The following ZC3H12B variants were observed in gnomAD, a reference collection of about 807,000 sequenced individuals.
The protein encoded by ZC3H12B is probable ribonuclease ZC3H12B.
A neutral mutation model predicts 43.9 loss-of-function variants in ZC3H12B; 7 were observed. That is an observed-to-expected ratio of 0.16 (90% CI 0.09 to 0.30). The LOEUF is 0.30. Among genes scored for constraint, ZC3H12B ranks in the 10% least tolerant of loss-of-function variants. The probability of loss-of-function intolerance (pLI) is 1.00; values close to 1 mark genes in which losing one functional copy is unlikely to be tolerated. For synonymous variants in ZC3H12B, 222 were observed against 241.7 expected, an observed-to-expected ratio of 0.92 and a Z score of 0.76; for missense variants, 475 against 670.2, an observed-to-expected ratio of 0.71 and a Z score of 3.22.
the ZC3H12B span, among the ~76,000 whole-genome samples, chrX:65,197,868 G>A: frequency 1.8e-5 from 2 of 111,970 alleles, no homozygotes; most frequent in Non-Finnish European, 3.8e-5. Flanking sequence ...CATAAATATG[G>A]CTAGTGACTC....
chrX:65,443,186 T>C (rs918019757), intron 3 of ZC3H12B, among the ~76,000 whole-genome samples: 6 of 111,461 alleles, frequency 5.4e-5, no homozygotes, highest in African/African-American at 6.5e-5. Flanking sequence ...CCCATATCTG[T>C]CCCATTGTTA....
chrX:65,385,986 G>A (rs1348324248), intron 2 of ZC3H12B, among the ~76,000 whole-genome samples: 1 of 112,106 alleles, frequency 8.9e-6, no homozygotes, highest in African/African-American at 3.2e-5. Context: ...TGCATCCCAG[G>A]GATGAAGCCC....
intron 3 of ZC3H12B, among the ~76,000 whole-genome samples, chrX:65,422,591 G>T (rs2067031757): frequency 1.8e-5 from 2 of 110,211 alleles, no homozygotes; most frequent in African/African-American, 6.6e-5. Context: ...GAACGTGCAG[G>T]TTTGTTACAT....
chrX:65,181,882 C>T, the ZC3H12B span, among the ~76,000 whole-genome samples: 4 of 111,783 alleles, frequency 3.6e-5, no homozygotes, highest in South Asian at 1.5e-3. Context: ...TACCATATGA[C>T]CCAGCAATCT....
chrX:65,158,547 T>G, the ZC3H12B span, among the ~76,000 whole-genome samples: 1 of 112,283 alleles, frequency 8.9e-6, no homozygotes, highest in Non-Finnish European at 1.9e-5. Flanking sequence ...TTTTCATGTG[T>G]TTATTGGCTG....
chrX:65,281,644 C>T, the ZC3H12B span, among the ~76,000 whole-genome samples: 1 of 112,170 alleles, frequency 8.9e-6, no homozygotes, highest in Non-Finnish European at 1.9e-5. Context: ...AACTAGACTC[C>T]CACCTCTTAC....
chrX:65,381,880 T>C (rs1169770172), intron 2 of ZC3H12B, among the ~76,000 whole-genome samples: 3 of 111,541 alleles, frequency 2.7e-5, no homozygotes, highest in Admixed American at 9.5e-5. Flanking sequence ...CCTCGACACA[T>C]ACACTCTCCC....
rs757284494 is a variant in ZC3H12B, at chrX:65,450,161, C to T, written n.408-38485C>T. 1.5e-4 allele frequency among the ~76,000 whole-genome samples: 16 copies of T among 105,606 alleles called. No individual in the cohort carries two copies. In the South Asian group the frequency reaches 3.3e-3, roughly 22 times the overall value. The allele number at this position is 105,606 out of a possible 115,157, so 91.7% of individuals were successfully genotyped here. A position where few individuals can be genotyped will look rare whatever the true frequency, so the allele number is the denominator to read the frequency against. ...CTCTACTAAAAATACAAAAATTAGC[C>T]GGGCGTGGTTGCAGACACCTGTAAT... is the stretch of plus-strand genomic sequence containing the variant. On this transcript the variant is annotated intron_variant and non_coding_transcript_variant, in intron 3 of 5. Coordinates refer to the ZC3H12B transcript ENST00000617377.
At chrX:65,493,453 A>G (rs1268055805) in intron 1 of ZC3H12B, among the ~76,000 whole-genome samples, 3 of 112,145 alleles carry the variant, frequency 2.7e-5, no homozygotes, top group Admixed American at 1.9e-4. Flanking sequence ...TTGCAGTAGT[A>G]GTGCACCTGT....
the ZC3H12B span, among the ~76,000 whole-genome samples, chrX:65,152,232 G>A: frequency 6.3e-5 from 7 of 111,290 alleles, no homozygotes; most frequent in South Asian, 1.1e-3. Context: ...TTCTGGCCAG[G>A]GCAATTAGGC....
chrX:65,127,514 T>C, the ZC3H12B span, among the ~76,000 whole-genome samples: 1 of 111,015 alleles, frequency 9.0e-6, no homozygotes, highest in Non-Finnish European at 1.9e-5. Flanking sequence ...ATAGGGAGGA[T>C]GCAAACTTGC....
chrX:65,110,126 G>A, the ZC3H12B span, among the ~76,000 whole-genome samples: 1 of 110,379 alleles, frequency 9.1e-6, no homozygotes, highest in Admixed American at 9.7e-5. Flanking sequence ...GTATTTTCAT[G>A]CCTTTTACTT....
chrX:65,473,164 C>T (rs1253285626), intron 3 of ZC3H12B, among the ~76,000 whole-genome samples: 1 of 106,604 alleles, frequency 9.4e-6, no homozygotes, highest in Non-Finnish European at 1.9e-5. Context: ...CAGGTACATG[C>T]CACCACACCC....
chrX:65,193,866 G>T, the ZC3H12B span, among the ~76,000 whole-genome samples: 2 of 111,400 alleles, frequency 1.8e-5, no homozygotes, highest in African/African-American at 6.5e-5. Flanking sequence ...AATTTATAAA[G>T]AAAAGAAGTT....
the ZC3H12B span, among the ~76,000 whole-genome samples, chrX:65,214,798 C>A: frequency 1.8e-5 from 2 of 111,651 alleles, no homozygotes; most frequent in Non-Finnish European, 3.8e-5. Context: ...TATCAAGGTG[C>A]ATCAGAGGAA....
At chrX:65,171,711 CTTTG>C in the ZC3H12B span, among the ~76,000 whole-genome samples, 26 of 110,986 alleles carry the variant, frequency 2.3e-4, no homozygotes, top group East Asian at 2.8e-4. Flanking sequence ...TTCCCAGCTG[CTTTG>C]TTTAACTACT....
chrX:65,362,736 C>T (rs1252214798), upstream of ZC3H12B, among the ~76,000 whole-genome samples: 1 of 111,301 alleles, frequency 9.0e-6, no homozygotes, highest in Non-Finnish European at 1.9e-5. Context: ...CCTGTTATCA[C>T]TCGCCTGTTA....
the ZC3H12B span, among the ~76,000 whole-genome samples, chrX:65,166,597 C>T: frequency 3.4e-4 from 38 of 111,802 alleles, no homozygotes; most frequent in African/African-American, 1.2e-3. Flanking sequence ...ATTTCTAGTT[C>T]TAGATCCTTG....
At chrX:65,096,389 A>T in the ZC3H12B span, among the ~76,000 whole-genome samples, 1 of 112,037 alleles carries the variant, frequency 8.9e-6, no homozygotes, top group Non-Finnish European at 1.9e-5. Flanking sequence ...ACAAATTAAA[A>T]AACGATGATT....
Sources: allele counts gnomAD v4.1 joint callset (sites outside exome capture counted in the v4.1 genomes callset), GRCh38; gene constraint gnomAD v4.1.1; transcripts MANE v1.5; gene names NCBI Gene and HGNC (gene_info 2026-07-23, HGNC 2026-07-21).